The following ASIC2 variants were observed in gnomAD, a reference collection of about 807,000 sequenced individuals.
ASIC2 encodes acid sensing ion channel subunit 2, also known as acid-sensing ion channel 2.
In ASIC2, 25 loss-of-function variants were observed where a neutral mutation model predicts 57.3. That is an observed-to-expected ratio of 0.44 (90% CI 0.32 to 0.61). The LOEUF (loss-of-function observed/expected upper bound fraction) is 0.61, where lower values mean the gene tolerates loss of function less well. Among genes scored for constraint, ASIC2 ranks in the 20% least tolerant of loss-of-function variants. ASIC2 has a pLI of 0.06. For synonymous variants in ASIC2, 319 were observed against 307.5 expected (o/e 1.04, Z -0.39); for missense variants, 641 against 738.1 (o/e 0.87, Z 1.52).
chr17:33,287,299 C>T (rs1905232930), intron 1 of ASIC2, among the ~76,000 whole-genome samples: 1 of 152,248 alleles, frequency 6.6e-6, no homozygotes, highest in Admixed American at 6.5e-5. Context: ...CTGCCTGGCA[C>T]TCTCCCCTGA....
intron 1 of ASIC2, among the ~76,000 whole-genome samples, chr17:33,219,181 T>C (rs918734618): frequency 1.3e-5 from 2 of 152,136 alleles, no homozygotes; most frequent in Non-Finnish European, 2.9e-5. Context: ...TGGGAAATGT[T>C]CCATATTCTA....
intron 1 of ASIC2, among the ~76,000 whole-genome samples, chr17:33,921,931 G>A (rs1196213942): frequency 6.6e-6 from 1 of 151,900 alleles, no homozygotes. Flanking sequence ...AACCAACCAA[G>A]AGCAATGCTG....
In ASIC2 at chr17:33,232,867, G is replaced by A. The variant is rs117696152; in HGVS notation, c.708+58541C>T. On this transcript the variant is annotated intron_variant, in intron 1 of 9. Coordinates refer to ENST00000225823, the MANE Select transcript of ASIC2 (RefSeq NM_183377.2). The stretch of plus-strand genomic sequence containing the variant: ...CTGGCTGCCCTCTTCAGTGGTGCTT[G>A]TATTGTGCTTTGTCCTGGGGGTCTT... 6.6e-5 allele frequency among the ~76,000 whole-genome samples: 10 copies of A among 152,292 alleles called. 1 individual carries two copies. The East Asian group carries it at 1.9e-3, about 29-fold the overall frequency.
chr17:33,069,634 G>A (rs1316291797), intron 3 of ASIC2, among the ~76,000 whole-genome samples: 1 of 151,900 alleles, frequency 6.6e-6, no homozygotes, highest in African/African-American at 2.4e-5. Flanking sequence ...ATCATATTTT[G>A]TCTGATATTA....
intron 1 of ASIC2, among the ~76,000 whole-genome samples, chr17:33,449,819 G>T (rs1408333732): frequency 6.6e-6 from 1 of 151,572 alleles, no homozygotes. Context: ...CTGTCATCCG[G>T]GCTGAAGTGC....
intron 1 of ASIC2, among the ~76,000 whole-genome samples, chr17:33,255,028 C>CTT (rs1173076413): frequency 0.024 from 1,739 of 73,658 alleles, 35 homozygotes; most frequent in African/African-American, 0.053. Context: ...AGAAAGAAAT[C>CTT]TTTTTTTTTT....
intron 1 of ASIC2, among the ~76,000 whole-genome samples, chr17:33,685,705 G>T (rs1441094092): frequency 9.2e-5 from 14 of 152,100 alleles, no homozygotes; most frequent in Non-Finnish European, 1.3e-4. Flanking sequence ...TGGTTTTACT[G>T]TACCCCTTCT....
At chr17:33,077,172 C>T (rs1442185485) in intron 3 of ASIC2, among the ~76,000 whole-genome samples, 2 of 151,946 alleles carry the variant, frequency 1.3e-5, no homozygotes, top group African/African-American at 4.8e-5. Context: ...CAGACCTTGG[C>T]CCAAGGCCAT....
intron 1 of ASIC2, among the ~76,000 whole-genome samples, chr17:34,055,985 T>C (rs979777320): frequency 3.3e-5 from 5 of 152,082 alleles, no homozygotes; most frequent in Admixed American, 1.3e-4. Context: ...ATTACAGTAG[T>C]TGAGAAAAGA....
chr17:33,286,450 T>C (rs1025836479), intron 1 of ASIC2, among the ~76,000 whole-genome samples: 2 of 152,172 alleles, frequency 1.3e-5, no homozygotes, highest in East Asian at 1.9e-4. Context: ...TCAAAAACTT[T>C]AGTTTGGTCT....
intron 3 of ASIC2, among the ~76,000 whole-genome samples, chr17:33,076,068 A>C (rs780779141): frequency 6.6e-6 from 1 of 152,220 alleles, no homozygotes; most frequent in Non-Finnish European, 1.5e-5. Context: ...TAGCATGGTG[A>C]CTGGCACTGC....
At chr17:33,825,095 A>G (rs1912866990) in intron 1 of ASIC2, among the ~76,000 whole-genome samples, 2 of 152,146 alleles carry the variant, frequency 1.3e-5, no homozygotes, top group African/African-American at 4.8e-5. Context: ...AATGCTTGCT[A>G]TTGCCATTAT....
chr17:33,725,485 T>TA lies in ASIC2; in HGVS notation c.555+430492_555+430493insT, dbSNP rs541515953. 5.8e-4 allele frequency among the ~76,000 whole-genome samples: 89 copies of TA among 152,302 alleles called. No individual in the cohort carries two copies. The South Asian group carries it at 0.017, about 29-fold the overall frequency. On this transcript the variant is annotated intron_variant, in intron 1 of 9. Coordinates refer to the ASIC2 transcript ENST00000359872. ...TGATTGTCCGTCCCAGCTCTATTACTTGGTTAAGTATGGTCTTTCAGAAGT... is the reference window on the plus strand; with the variant it reads ...TGATTGTCCGTCCCAGCTCTATTACTATGGTTAAGTATGGTCTTTCAGAAGT...
chr17:34,117,380 G>A (rs1233048269), intron 1 of ASIC2, among the ~76,000 whole-genome samples: 1 of 152,214 alleles, frequency 6.6e-6, no homozygotes, highest in Non-Finnish European at 1.5e-5. Flanking sequence ...GCATATGGTT[G>A]GGGTTTTGAC....
At chr17:33,636,885 A>C (rs572582533) in intron 1 of ASIC2, among the ~76,000 whole-genome samples, 150 of 151,988 alleles carry the variant, frequency 9.9e-4, no homozygotes, top group African/African-American at 3.6e-3. Flanking sequence ...ACACCCACAC[A>C]CACACACACA....
intron 1 of ASIC2, among the ~76,000 whole-genome samples, chr17:33,654,490 C>T (rs1424982134): frequency 6.6e-6 from 1 of 152,224 alleles, no homozygotes; most frequent in African/African-American, 2.4e-5. Context: ...CAAGGAGTGA[C>T]ACACTTTCCT....
chr17:33,686,096 CAGG>C (rs1908178116), intron 1 of ASIC2, among the ~76,000 whole-genome samples: 1 of 152,182 alleles, frequency 6.6e-6, no homozygotes, highest in African/African-American at 2.4e-5. Flanking sequence ...TCAGCTCCAG[CAGG>C]AGGAAGAGCC....
intron 1 of ASIC2, among the ~76,000 whole-genome samples, chr17:33,802,655 T>A (rs1170135262): frequency 2.6e-5 from 4 of 152,232 alleles, no homozygotes; most frequent in Non-Finnish European, 5.9e-5. Context: ...GCTTTCTTCC[T>A]GGTTTTAAAC....
At position 34,156,663 on chromosome 17, in the gene ASIC2, T is replaced by C; in HGVS notation, c.-131A>G. ...GCAAGGCAAGCATCGCGCCAGATGCTGTGAGTTTATCCTGAGAGCCCAGCC... is the reference window on the plus strand; with the variant it reads ...GCAAGGCAAGCATCGCGCCAGATGCCGTGAGTTTATCCTGAGAGCCCAGCC... On this transcript the variant is annotated 5_prime_UTR_variant, in exon 1 of 10. Coordinates refer to the ASIC2 transcript ENST00000359872. The surrounding 1 kb of genome is among the most constrained non-coding windows in gnomAD (Gnocchi z 4.4). The C allele has an allele frequency of 1.2e-5, 12 of 980,850 alleles. No homozygotes were observed. The highest frequency in any genetic ancestry group is 1.6e-5 in the Non-Finnish European group (11 of 681,900). 60.8% of individuals were successfully genotyped at this position (980,850 alleles called of 1,614,324 possible).
Sources: gnomAD v4.1 joint callset for allele counts (sites outside exome capture counted in the v4.1 genomes callset) on GRCh38, gnomAD v4.1.1 for gene constraint, Gnocchi (gnomAD v3.1) non-coding constraint, MANE v1.5 for transcripts, NCBI Gene and HGNC (gene_info 2026-07-23, HGNC 2026-07-21) for gene names.